The following LRRTM4 variants were observed in gnomAD, a reference collection of about 807,000 sequenced individuals.
The protein encoded by LRRTM4 is leucine rich repeat transmembrane neuronal 4, also known as leucine-rich repeat transmembrane neuronal protein 4.
In LRRTM4, 25 loss-of-function variants were observed where a neutral mutation model predicts 47.6. The ratio of observed to expected loss-of-function variants is 0.53; its 90% CI spans 0.38 to 0.73. The LOEUF (loss-of-function observed/expected upper bound fraction) is 0.73. Among genes scored for constraint, LRRTM4 ranks in the 30% least tolerant of loss-of-function variants. LRRTM4 has a pLI of 0.00. For synonymous variants in LRRTM4, 311 were observed against 269.5 expected, an observed-to-expected ratio of 1.15 and a Z score of -1.51; for missense variants, 638 against 713.4, an observed-to-expected ratio of 0.89 and a Z score of 1.20.
intron 3 of LRRTM4, among the ~76,000 whole-genome samples, chr2:77,035,652 G>A (rs1253434921): frequency 6.6e-6 from 1 of 151,726 alleles, no homozygotes; most frequent in African/African-American, 2.4e-5. Flanking sequence ...GTAACTTTTT[G>A]GAATTGACTT....
chr2:77,206,207 C>A (rs1482933723), intron 3 of LRRTM4, among the ~76,000 whole-genome samples: 1 of 144,310 alleles, frequency 6.9e-6, no homozygotes, highest in Non-Finnish European at 1.5e-5. Flanking sequence ...GAAACAGGGT[C>A]TCACTCTGTT....
At chr2:77,486,166 A>G (rs1302436387) in intron 3 of LRRTM4, among the ~76,000 whole-genome samples, 1 of 152,232 alleles carries the variant, frequency 6.6e-6, no homozygotes, top group African/African-American at 2.4e-5. Flanking sequence ...ACTGCTTCAC[A>G]TTGATTGGAA....
chr2:77,374,612 A>C (rs2103777532), intron 3 of LRRTM4, among the ~76,000 whole-genome samples: 1 of 151,916 alleles, frequency 6.6e-6, no homozygotes, highest in South Asian at 2.1e-4. Context: ...CCACTCCTCA[A>C]GCCAGAATGG....
intron 3 of LRRTM4, among the ~76,000 whole-genome samples, chr2:77,003,191 C>T (rs1295007288): frequency 6.6e-6 from 1 of 151,550 alleles, no homozygotes; most frequent in African/African-American, 2.4e-5. Flanking sequence ...TATTTTCTTC[C>T]TGTTGATAGA....
In LRRTM4 at chr2:76,974,223, CATACAT is replaced by C. The variant is rs144188461; in HGVS notation, c.1552-225313_1552-225308del. Among the ~76,000 whole-genome samples the C allele has an allele frequency of 3.5e-3, 409 of 115,930 alleles. 4 individuals are homozygous for C. Among genetic ancestry groups the C allele is most frequent in the African/African-American group, 0.016 (383 of 23,860 alleles). 76.1% of individuals were successfully genotyped at this position (115,930 alleles called of 152,430 possible). On this transcript the variant is annotated intron_variant, in intron 3 of 3. Coordinates refer to ENST00000409884, the MANE Select transcript of LRRTM4 (RefSeq NM_001134745.3). ...ATATATATATATACACATATATATA[CATACAT>C]ATATATATATACATATATATATATA...
rs563071518 is a variant in LRRTM4, at chr2:77,024,260, A to G, written c.1552-275344T>C. ...GGGCACAGAGCCAAACCATATCACC[A>G]TGGTAACCACTGTTCTACTCTTTGT... On this transcript the variant is annotated intron_variant, in intron 3 of 3. Transcript: ENST00000409884. Among the ~76,000 whole-genome samples the G allele has an allele frequency of 3.3e-5, 5 of 152,292 alleles. No homozygotes were observed. The South Asian group carries it at 8.3e-4, about 25-fold the overall frequency.
At chr2:76,857,592 C>T (rs1672192801) in intron 3 of LRRTM4, among the ~76,000 whole-genome samples, 1 of 152,024 alleles carries the variant, frequency 6.6e-6, no homozygotes, top group South Asian at 2.1e-4. Flanking sequence ...GGTTTTAAGA[C>T]TGAAAACCTA....
chr2:77,347,924 T>G (rs568298302), intron 3 of LRRTM4, among the ~76,000 whole-genome samples: 1 of 152,002 alleles, frequency 6.6e-6, no homozygotes, highest in Non-Finnish European at 1.5e-5. Flanking sequence ...TTAATGATGC[T>G]TGAACCGTGT....
At chr2:77,422,501 G>T (rs968975949) in intron 3 of LRRTM4, among the ~76,000 whole-genome samples, 1 of 152,172 alleles carries the variant, frequency 6.6e-6, no homozygotes, top group East Asian at 1.9e-4. Flanking sequence ...AAATTGCAAA[G>T]AAGTAATACG....
chr2:77,218,828 G>A (rs1674535437), intron 3 of LRRTM4, among the ~76,000 whole-genome samples: 1 of 152,070 alleles, frequency 6.6e-6, no homozygotes, highest in Admixed American at 6.6e-5. Flanking sequence ...GAATAAATAA[G>A]TGCCAGACCC....
At chr2:76,937,137 T>G (rs1352510904) in intron 3 of LRRTM4, among the ~76,000 whole-genome samples, 3 of 151,858 alleles carry the variant, frequency 2.0e-5, no homozygotes, top group Non-Finnish European at 2.9e-5. Flanking sequence ...TGATGGTAAT[T>G]TTATTACCCA....
chr2:77,352,424 C>A (rs1236281533), intron 3 of LRRTM4, among the ~76,000 whole-genome samples: 1 of 151,964 alleles, frequency 6.6e-6, no homozygotes, highest in Non-Finnish European at 1.5e-5. Flanking sequence ...ATTAAGTGAT[C>A]CTCATTACTC....
At chr2:76,889,759 C>T (rs1306180246) in intron 3 of LRRTM4, among the ~76,000 whole-genome samples, 2 of 151,770 alleles carry the variant, frequency 1.3e-5, no homozygotes, top group African/African-American at 2.4e-5. Flanking sequence ...ACTTGCTTTT[C>T]TCTTCTTTTG....
intron 3 of LRRTM4, among the ~76,000 whole-genome samples, chr2:77,081,146 T>C (rs1379963368): frequency 6.6e-6 from 1 of 152,086 alleles, no homozygotes; most frequent in Non-Finnish European, 1.5e-5. Flanking sequence ...TTTGATCATG[T>C]ATACTTTTTA....
intron 3 of LRRTM4, among the ~76,000 whole-genome samples, chr2:76,883,695 G>T (rs1052725700): frequency 6.6e-6 from 1 of 152,080 alleles, no homozygotes; most frequent in Admixed American, 6.5e-5. Flanking sequence ...TAGAAAACTT[G>T]GAGCAGAGTC....
chr2:77,330,988 T>C (rs1421207432), intron 3 of LRRTM4, among the ~76,000 whole-genome samples: 1 of 152,136 alleles, frequency 6.6e-6, no homozygotes, highest in African/African-American at 2.4e-5. Flanking sequence ...TATATGTATA[T>C]ATATTGTTAT....
intron 3 of LRRTM4, among the ~76,000 whole-genome samples, chr2:77,448,054 GAC>G (rs1310012925): frequency 6.6e-6 from 1 of 152,132 alleles, no homozygotes; most frequent in East Asian, 1.9e-4. Context: ...AGGTGCAAAA[GAC>G]AGAAAATAAA....
At chr2:77,488,946 A>C (rs1678030562) in intron 3 of LRRTM4, among the ~76,000 whole-genome samples, 1 of 151,836 alleles carries the variant, frequency 6.6e-6, no homozygotes, top group African/African-American at 2.4e-5. Flanking sequence ...ACATGTATAC[A>C]TATGTAACAA....
At chr2:77,181,767 G>A (rs1228031773) in intron 3 of LRRTM4, among the ~76,000 whole-genome samples, 1 of 151,882 alleles carries the variant, frequency 6.6e-6, no homozygotes, top group African/African-American at 2.4e-5. Flanking sequence ...TGTTTAGGAG[G>A]GGAGGAAAGG....
Sources: allele counts gnomAD v4.1 joint callset (sites outside exome capture counted in the v4.1 genomes callset), GRCh38; gene constraint gnomAD v4.1.1; transcripts MANE v1.5; gene names NCBI Gene and HGNC (gene_info 2026-07-23, HGNC 2026-07-21).